VDAC1: variants seen among roughly 807,000 people sequenced by gnomAD.
VDAC1 encodes the protein non-selective voltage-gated ion channel VDAC1.
A neutral mutation model predicts 34.7 loss-of-function variants in VDAC1; 10 were observed. That is an observed-to-expected ratio of 0.29 (90% CI 0.18 to 0.49). VDAC1 has a LOEUF of 0.49. Among genes scored for constraint, VDAC1 ranks in the 20% least tolerant of loss-of-function variants. The probability of loss-of-function intolerance (pLI) is 0.99; values close to 1 mark genes in which losing one functional copy is unlikely to be tolerated. For missense variants in VDAC1, 230 were observed against 347.9 expected (o/e 0.66, Z 2.69); for synonymous variants, 130 against 136.0 (o/e 0.96, Z 0.30).
At chr5:134,011,417 A>T in the VDAC1 span, among the ~76,000 whole-genome samples, 1 of 152,154 alleles carries the variant, frequency 6.6e-6, no homozygotes. Flanking sequence ...GAATTTATTT[A>T]TCTGGCGTAA....
the VDAC1 span, among the ~76,000 whole-genome samples, chr5:134,029,963 CT>C: frequency 2.0e-5 from 3 of 152,156 alleles, no homozygotes; most frequent in African/African-American, 7.2e-5. Context: ...AATGTAACCC[CT>C]TGGGAAAACT....
upstream of VDAC1, among the ~76,000 whole-genome samples, chr5:134,006,441 C>T (rs1397672242): frequency 1.3e-5 from 2 of 152,096 alleles, no homozygotes; most frequent in African/African-American, 2.4e-5. Context: ...CTCTCAACTC[C>T]GCTTTAAAGA....
At chr5:134,069,082 C>T in the VDAC1 span, among the ~76,000 whole-genome samples, 1 of 150,538 alleles carries the variant, frequency 6.6e-6, no homozygotes, top group African/African-American at 2.5e-5. Flanking sequence ...AGCAAGACTC[C>T]CACCCACACA....
At chr5:134,057,620 C>T in the VDAC1 span, among the ~76,000 whole-genome samples, 2 of 150,228 alleles carry the variant, frequency 1.3e-5, no homozygotes, top group African/African-American at 4.9e-5. Flanking sequence ...ACCTGGGAGG[C>T]GGAGGTTACA....
At chr5:133,981,039 G>A (rs917211527) in intron 5 of VDAC1, 83 bp from the exon 6 acceptor site, 3 of 1,227,496 alleles carry the variant, frequency 2.4e-6, no homozygotes, top group Non-Finnish European at 3.5e-6. Context: ...TTAATCCCAG[G>A]TCAAATAAAG....
the VDAC1 span, among the ~76,000 whole-genome samples, chr5:134,025,082 G>A: frequency 2.1e-4 from 32 of 152,190 alleles, no homozygotes; most frequent in African/African-American, 7.7e-4. Context: ...TTTTGGTGTT[G>A]CCATAAAGAA....
At chr5:134,033,228 G>T in the VDAC1 span, among the ~76,000 whole-genome samples, 3 of 149,594 alleles carry the variant, frequency 2.0e-5, no homozygotes, top group Admixed American at 6.7e-5. Flanking sequence ...CGTGATGTCG[G>T]CTCACTGCAA....
the VDAC1 span, among the ~76,000 whole-genome samples, chr5:134,016,891 G>A: frequency 4.6e-5 from 7 of 152,174 alleles, no homozygotes; most frequent in African/African-American, 1.4e-4. Context: ...GGCCATGCAC[G>A]ACTTGCAAAG....
At chr5:134,073,086 T>A in the VDAC1 span, among the ~76,000 whole-genome samples, 1 of 152,166 alleles carries the variant, frequency 6.6e-6, no homozygotes, top group Non-Finnish European at 1.5e-5. Flanking sequence ...TAGGCCTAGC[T>A]GGAACATCTG....
At chr5:134,055,548 T>C in the VDAC1 span, among the ~76,000 whole-genome samples, 1 of 148,678 alleles carries the variant, frequency 6.7e-6, no homozygotes, top group Admixed American at 6.8e-5. Flanking sequence ...GTCTCCCAAG[T>C]AGCTGGGACC....
the VDAC1 span, among the ~76,000 whole-genome samples, chr5:134,055,409 TTTTGTTTG>T: frequency 5.3e-5 from 8 of 151,756 alleles, no homozygotes; most frequent in South Asian, 4.2e-4. Context: ...CAAGTGCTTA[TTTTGTTTG>T]TTTGTTTGTT....
the VDAC1 span, among the ~76,000 whole-genome samples, chr5:134,027,814 G>A: frequency 4.6e-5 from 6 of 131,138 alleles, no homozygotes; most frequent in Non-Finnish European, 9.2e-5. Flanking sequence ...CTTGTCACCC[G>A]GGCTGGAGTG....
chr5:133,972,658 A>G lies in VDAC1; in HGVS notation c.*113T>C, dbSNP rs1752342774. ...TGAATCAACTTTAACCTGGAGGGCT[A>G]ACATATTTAGCAATACTTGCATCCC... On this transcript the variant is annotated 3_prime_UTR_variant, in exon 9 of 9. Coordinates refer to ENST00000265333, the MANE Select transcript of VDAC1 (RefSeq NM_003374.3). 1.2e-6 allele frequency: 1 copy of G among 856,794 alleles called. No homozygotes were observed. The highest frequency in any genetic ancestry group is 2.6e-5 in the Admixed American group (1 of 37,778). 53.1% of individuals were successfully genotyped at this position (856,794 alleles called of 1,614,324 possible).
At chr5:134,063,233 CTTTG>C in the VDAC1 span, among the ~76,000 whole-genome samples, 1 of 152,130 alleles carries the variant, frequency 6.6e-6, no homozygotes, top group Non-Finnish European at 1.5e-5. Flanking sequence ...AAACTCCAGT[CTTTG>C]TTTGGATTTC....
At chr5:134,106,818 C>T in the VDAC1 span, among the ~76,000 whole-genome samples, 1 of 152,212 alleles carries the variant, frequency 6.6e-6, no homozygotes, top group African/African-American at 2.4e-5. Context: ...TACCAAGTGG[C>T]GGGAGCAAAA....
the VDAC1 span, among the ~76,000 whole-genome samples, chr5:134,031,031 C>T: frequency 6.6e-6 from 1 of 152,150 alleles, no homozygotes; most frequent in Admixed American, 6.6e-5. Context: ...CTACCACTTC[C>T]ATTACCATCA....
chr5:134,064,366 T>C, the VDAC1 span, among the ~76,000 whole-genome samples: 2 of 151,860 alleles, frequency 1.3e-5, no homozygotes, highest in Non-Finnish European at 1.5e-5. Context: ...AGTGCAGTAG[T>C]GCAATCTTGG....
chr5:134,106,001 C>T, the VDAC1 span, among the ~76,000 whole-genome samples: 1 of 152,252 alleles, frequency 6.6e-6, no homozygotes, highest in East Asian at 1.9e-4. Context: ...CCTCTGCCGG[C>T]TGATGTGTTG....
the VDAC1 span, among the ~76,000 whole-genome samples, chr5:134,030,690 C>G: frequency 1.3e-5 from 2 of 152,040 alleles, no homozygotes; most frequent in Non-Finnish European, 2.9e-5. Context: ...TCACCGCAAC[C>G]TCCATCTCCC....
Sources: gnomAD v4.1 joint callset for allele counts (sites outside exome capture counted in the v4.1 genomes callset) on GRCh38, gnomAD v4.1.1 for gene constraint, MANE v1.5 for transcripts, NCBI Gene and HGNC (gene_info 2026-07-23, HGNC 2026-07-21) for gene names.